The following COBL variants were observed in gnomAD, a reference collection of about 807,000 sequenced individuals.
The protein encoded by COBL is protein cordon-bleu.
COBL carries 51 observed loss-of-function variants against 98.8 expected under a neutral mutation model. That is an observed-to-expected ratio of 0.52 (90% CI 0.41 to 0.65). COBL has a LOEUF of 0.65. Among genes scored for constraint, COBL ranks in the 30% least tolerant of loss-of-function variants. The pLI is 0.00. For missense variants in COBL, 1,617 were observed against 1,617.5 expected, an observed-to-expected ratio of 1.00 and a Z score of 0.01; for synonymous variants, 634 against 651.7, an observed-to-expected ratio of 0.97 and a Z score of 0.41.
intron 1 of COBL, among the ~76,000 whole-genome samples, chr7:51,281,270 G>A (rs901803828): frequency 3.3e-5 from 5 of 152,154 alleles, no homozygotes; most frequent in South Asian, 2.1e-4. Flanking sequence ...AGGAAGGACT[G>A]TAAAAATGAA....
At chr7:51,052,483 T>G (rs1473523112) in intron 7 of COBL, among the ~76,000 whole-genome samples, 1 of 152,186 alleles carries the variant, frequency 6.6e-6, no homozygotes, top group Admixed American at 6.5e-5. Flanking sequence ...CCTTCAGTCC[T>G]TTTTTACACA....
chr7:51,160,937 T>A (rs1786734853), intron 5 of COBL, among the ~76,000 whole-genome samples: 1 of 151,688 alleles, frequency 6.6e-6, no homozygotes, highest in Non-Finnish European at 1.5e-5. Context: ...GGAGTCTCAC[T>A]CTGTCGCCCA....
chr7:51,028,507 C>G lies in COBL; in HGVS notation c.2589G>C (p.Thr863=), dbSNP rs778468088. ...EVTFLKPQRR[T]SSQYVASAIA... ...TGGCAGAGGCCACATACTGGCTGGA[C>G]GTTCTTCTCTGAGGCTTGAGAAATG... The change falls in exon 10 of 13, where the codon ACG becomes ACC. Residue 863 remains threonine, a synonymous_variant. Transcript: ENST00000265136. The G allele has an allele frequency of 1.2e-6, 2 of 1,614,146 alleles. No homozygotes were observed. Among genetic ancestry groups the G allele is most frequent in the African/African-American group, 1.3e-5 (1 of 74,946 alleles).
intron 7 of COBL, among the ~76,000 whole-genome samples, chr7:51,078,230 G>A (rs1237903830): frequency 6.6e-6 from 1 of 152,170 alleles, no homozygotes; most frequent in Non-Finnish European, 1.5e-5. Flanking sequence ...TGAAATATGA[G>A]AGGAACTCTT....
intron 1 of COBL, among the ~76,000 whole-genome samples, chr7:51,258,101 A>G (rs956558585): frequency 6.6e-6 from 1 of 152,232 alleles, no homozygotes; most frequent in East Asian, 1.9e-4. Flanking sequence ...TATAACTAGA[A>G]GCAACACTTA....
chr7:51,019,639 G>A (rs895366119), intron 12 of COBL, among the ~76,000 whole-genome samples: 14 of 152,178 alleles, frequency 9.2e-5, no homozygotes, highest in African/African-American at 2.7e-4. Flanking sequence ...GCTCCTCCCC[G>A]TTCTACCTGC....
intron 1 of COBL, among the ~76,000 whole-genome samples, chr7:51,281,527 C>T (rs111765846): frequency 7.2e-5 from 11 of 151,776 alleles, no homozygotes; most frequent in Non-Finnish European, 1.0e-4. Context: ...ACTAAAAACA[C>T]GGAAAAAACC....
At chr7:51,158,300 A>G (rs996951490) in intron 5 of COBL, among the ~76,000 whole-genome samples, 3 of 152,360 alleles carry the variant, frequency 2.0e-5, no homozygotes, top group African/African-American at 7.2e-5. Flanking sequence ...AAAAAGGAGA[A>G]GAGACCCTCA....
intron 1 of COBL, among the ~76,000 whole-genome samples, chr7:51,226,253 A>G (rs1794171459): frequency 6.6e-6 from 1 of 152,178 alleles, no homozygotes; most frequent in South Asian, 2.1e-4. Context: ...GAAACCAGGC[A>G]CACCCGGCTC....
intron 8 of COBL, among the ~76,000 whole-genome samples, chr7:51,038,183 T>A (rs1788822467): frequency 6.6e-6 from 1 of 152,216 alleles, no homozygotes; most frequent in Non-Finnish European, 1.5e-5. Context: ...TCACACTTGC[T>A]CTTCTTAGAA....
chr7:51,153,671 T>C (rs1169985693), intron 5 of COBL, among the ~76,000 whole-genome samples: 4 of 152,156 alleles, frequency 2.6e-5, no homozygotes, highest in African/African-American at 9.7e-5. Context: ...ATCCTTCCCT[T>C]CCTTGTCATC....
chr7:51,195,080 A>G (rs766535300), intron 2 of COBL, among the ~76,000 whole-genome samples: 5 of 152,036 alleles, frequency 3.3e-5, no homozygotes, highest in Admixed American at 6.6e-5. Context: ...TCTTCGTCAT[A>G]AAATTTTGAC....
chr7:51,288,932 A>G (rs1183674474), intron 1 of COBL, among the ~76,000 whole-genome samples: 1 of 152,212 alleles, frequency 6.6e-6, no homozygotes, highest in Non-Finnish European at 1.5e-5. Flanking sequence ...GAACAATATA[A>G]GAAGTCATCA....
rs183698611 is a variant in COBL at position 51,030,656 on chromosome 7, T to G, written c.1504+156A>C. Among the ~76,000 whole-genome samples, 3 of 152,346 alleles carry G rather than the reference T, an allele frequency of 2.0e-5. No individual in the cohort carries two copies. The East Asian group carries it at 5.8e-4, about 29-fold the overall frequency. The stretch of plus-strand genomic sequence containing the variant: ...AAAAGCAGTCTACCGGAAACCTGTG[T>G]GCGCCTCACATCCAGACTTTCACCA... On this transcript the variant is annotated intron_variant, in intron 9 of 12. Transcript: ENST00000265136.
intron 4 of COBL, among the ~76,000 whole-genome samples, chr7:51,190,577 T>A (rs1790009615): frequency 6.6e-6 from 1 of 152,098 alleles, no homozygotes; most frequent in African/African-American, 2.4e-5. Context: ...TCACCTCACC[T>A]TTTCCCCTTT....
chr7:51,273,327 C>CAAAA (rs953811880), intron 1 of COBL, among the ~76,000 whole-genome samples: 1 of 59,476 alleles, frequency 1.7e-5, no homozygotes, highest in African/African-American at 4.9e-5. Flanking sequence ...GACTCCATCT[C>CAAAA]AAAAAAAAAA....
At chr7:51,222,076 C>A (rs912719542) in intron 1 of COBL, among the ~76,000 whole-genome samples, 1 of 152,100 alleles carries the variant, frequency 6.6e-6, no homozygotes, top group African/African-American at 2.4e-5. Context: ...GTAATCCCAG[C>A]CAGTTGGGAG....
chr7:51,143,396 A>G (rs775528824), intron 5 of COBL, among the ~76,000 whole-genome samples: 2 of 152,218 alleles, frequency 1.3e-5, no homozygotes, highest in African/African-American at 2.4e-5. Context: ...GTGGTGACAC[A>G]TTTTGAATAA....
chr7:51,141,428 G>C (rs1479477647), intron 5 of COBL, among the ~76,000 whole-genome samples: 2 of 152,104 alleles, frequency 1.3e-5, no homozygotes, highest in African/African-American at 4.8e-5. Context: ...GAAAAACTGA[G>C]GCCCAGACAG....
Sources: gnomAD v4.1 joint callset for allele counts (sites outside exome capture counted in the v4.1 genomes callset) on GRCh38, gnomAD v4.1.1 for gene constraint, MANE v1.5 for transcripts, NCBI Gene and HGNC (gene_info 2026-07-23, HGNC 2026-07-21) for gene names.